The following ABCC11 variants were observed in gnomAD, a reference collection of about 807,000 sequenced individuals.
The protein encoded by ABCC11 is ATP-binding cassette sub-family C member 11.
A neutral mutation model predicts 149.3 loss-of-function variants in ABCC11; 135 were observed. The observed-to-expected ratio is 0.90, with a 90% CI of 0.79 to 1.04. The LOEUF is 1.04. Ranked by LOEUF, ABCC11 falls within the 50% of genes least tolerant of loss-of-function variation. The pLI is 0.00. For missense variants in ABCC11, 1,680 were observed against 1,722.1 expected (o/e 0.98, Z 0.43); for synonymous variants, 665 against 671.4 (o/e 0.99, Z 0.15).
intron 1 of ABCC11, among the ~76,000 whole-genome samples, chr16:48,242,254 T>G (rs989627390): frequency 2.0e-5 from 3 of 152,162 alleles, no homozygotes; most frequent in African/African-American, 7.2e-5. Flanking sequence ...CAGACACTTC[T>G]CAAAAGAAGA....
chr16:48,221,351 A>C (rs1969723506), intron 6 of ABCC11, among the ~76,000 whole-genome samples: 1 of 152,184 alleles, frequency 6.6e-6, no homozygotes, highest in South Asian at 2.1e-4. Context: ...AGATATCAAA[A>C]TGAAATAGAT....
chr16:48,198,298 G>T (rs2150810492), intron 15 of ABCC11, 23 bp from the exon 16 acceptor site: 4 of 1,610,892 alleles, frequency 2.5e-6, no homozygotes, highest in Non-Finnish European at 3.4e-6. Context: ...AAGAAAGAAA[G>T]GCTTCAGTAA....
chr16:48,176,810 G>T, intron 25 of ABCC11, 114 bp downstream of exon 25: 1 of 1,241,860 alleles, frequency 8.1e-7, no homozygotes, highest in Non-Finnish European at 1.1e-6. Context: ...AGCACAGCAT[G>T]AGGACCTAAT....
intron 6 of ABCC11, among the ~76,000 whole-genome samples, chr16:48,217,389 A>G (rs969199552): frequency 6.6e-6 from 1 of 152,132 alleles, no homozygotes; most frequent in Non-Finnish European, 1.5e-5. Context: ...TGGGCCCAGG[A>G]GTTTGACACC....
At position 48,167,314 on chromosome 16, in the gene ABCC11, A is replaced by G; in HGVS notation, c.4109T>C (p.Phe1370Ser). Residue 1370 changes from phenylalanine to serine, a missense_variant, in exon 30 of 30, where the codon TTC becomes TCC. Physicochemically the swap from Phe to Ser is radical, Grantham distance 155 (BLOSUM62 -2). Coordinates refer to ENST00000356608, the MANE Select transcript of ABCC11 (RefSeq NM_001370497.1). ...EVLRKKPGSL[F>S]AALMATATSS... ...AGTGGCTGTGGCCATGAGGGCTGCG[A>G]ACAATGACCCAGGCTTCTTCCGCAG... 2.1e-6 allele frequency: 2 copies of G among 945,930 alleles called. No individual in the cohort carries two copies. Among genetic ancestry groups the G allele is most frequent in the Admixed American group, 1.7e-5 (1 of 59,238 alleles). 58.6% of individuals were successfully genotyped at this position (945,930 alleles called of 1,614,324 possible).
At chr16:48,171,351 G>C (rs547034189) in intron 26 of ABCC11, among the ~76,000 whole-genome samples, 1 of 152,324 alleles carries the variant, frequency 6.6e-6, no homozygotes. Context: ...AGGCTACCAT[G>C]GGAGACGTGC....
intron 28 of ABCC11, among the ~76,000 whole-genome samples, chr16:48,168,812 T>A (rs978911541): frequency 4.6e-5 from 7 of 152,134 alleles, no homozygotes; most frequent in Non-Finnish European, 5.9e-5. Flanking sequence ...ACACTGCATG[T>A]TCTCATTCAC....
intron 20 of ABCC11, among the ~76,000 whole-genome samples, chr16:48,190,052 C>G (rs1220621640): frequency 4.6e-5 from 7 of 152,106 alleles, no homozygotes. Flanking sequence ...GAGTGAAGTC[C>G]CCAAGAAGGC....
At chr16:48,196,189 G>C (rs749082695) in intron 18 of ABCC11, 43 bp downstream of exon 18, 6 of 1,596,806 alleles carry the variant, frequency 3.8e-6, no homozygotes, top group Non-Finnish European at 5.1e-6. Context: ...CCAGGGATAG[G>C]GCTGCTCCAA....
Position 48,178,635 on chromosome 16 carries a change from G to A in ABCC11, c.3310C>T (p.Gln1104Ter). The change falls in exon 24 of 30, where the codon CAG (glutamine) becomes TAG (stop). Residue 1104 changes from glutamine to a stop codon, truncating the protein, a stop_gained. Coordinates refer to ENST00000356608, the MANE Select transcript of ABCC11 (RefSeq NM_001370497.1). LOFTEE classifies it high-confidence loss of function. ...AGTATCCTCTCTACAGCCGTGAACTGTGCCTCTGTCTCCAAGCCAATCCGG... is the reference window on the plus strand; with the variant it reads ...AGTATCCTCTCTACAGCCGTGAACTATGCCTCTGTCTCCAAGCCAATCCGG... ...TARIGLETEA[Q>*]FTAVERILQY... The A allele has an allele frequency of 6.2e-7, 1 of 1,614,110 alleles. No homozygotes were observed.
At chr16:48,178,731 G>T in intron 23 of ABCC11, 45 bp from the exon 24 acceptor site, 1 of 1,548,696 alleles carries the variant, frequency 6.5e-7, no homozygotes, top group Non-Finnish European at 8.9e-7. Context: ...CTGCTGGGGT[G>T]TGCTCAGGCT....
chr16:48,239,111 C>G (rs1970832528), intron 1 of ABCC11, among the ~76,000 whole-genome samples: 1 of 151,978 alleles, frequency 6.6e-6, no homozygotes, highest in Non-Finnish European at 1.5e-5. Flanking sequence ...CTTCAACAAA[C>G]TTGACAAAAA....
rs1466391159 is a variant in ABCC11, at chr16:48,244,626, G to A, written c.-19+2688C>T. The A allele has an allele frequency of 8.8e-6, 12 of 1,367,272 alleles. No individual in the cohort carries two copies. The East Asian group carries it at 3.7e-4, about 42-fold the overall frequency. 84.7% of individuals were successfully genotyped at this position (1,367,272 alleles called of 1,614,324 possible). On this transcript the variant is annotated intron_variant, in intron 1 of 29. Coordinates refer to ENST00000356608, the MANE Select transcript of ABCC11 (RefSeq NM_001370497.1). ...GGACCTGCCGCCGCTGCACAGGTAGGCCTGGCTGCCCCCGCGGCGGCGGCG... is the reference window on the plus strand; with the variant it reads ...GGACCTGCCGCCGCTGCACAGGTAGACCTGGCTGCCCCCGCGGCGGCGGCG...
Position 48,194,548 on chromosome 16 carries a change from G to A in ABCC11, c.2405-566C>T, listed in dbSNP as rs143298760. ...TGTGTCTCTCCAAAATTCATATGTT[G>A]AAACCAAATTCCCAAGGTGATGGTA... On this transcript the variant is annotated intron_variant, in intron 18 of 29. Coordinates refer to ENST00000356608, the MANE Select transcript of ABCC11 (RefSeq NM_001370497.1). Among the ~76,000 whole-genome samples, 107 of 152,282 alleles carry A rather than the reference G, an allele frequency of 7.0e-4. 1 individual carries two copies. The highest frequency in any genetic ancestry group is 2.5e-3 in the African/African-American group (105 of 41,548).
intron 23 of ABCC11, among the ~76,000 whole-genome samples, chr16:48,180,209 G>C (rs1279241095): frequency 1.3e-5 from 2 of 152,242 alleles, no homozygotes; most frequent in Non-Finnish European, 2.9e-5. Flanking sequence ...TCTGGCCGTT[G>C]AAGGATGAGA....
At chr16:48,171,912 G>A (rs918553257) in intron 26 of ABCC11, among the ~76,000 whole-genome samples, 3 of 152,176 alleles carry the variant, frequency 2.0e-5, no homozygotes, top group African/African-American at 4.8e-5. Flanking sequence ...GCAGTGAGCT[G>A]AGATGGTGTC....
intron 24 of ABCC11, 47 bp from the exon 25 acceptor site, chr16:48,177,160 C>T (rs372658697): frequency 1.5e-5 from 23 of 1,565,372 alleles, no homozygotes; most frequent in South Asian, 8.5e-5. Context: ...TCATCTATCT[C>T]GGCCCATCCC....
intron 23 of ABCC11, 37 bp downstream of exon 23, chr16:48,184,403 A>G: frequency 6.3e-7 from 1 of 1,598,060 alleles, no homozygotes; most frequent in Non-Finnish European, 8.5e-7. Context: ...AGGATGAGCA[A>G]AGCTCAGAGA....
chr16:48,243,000 T>G (rs1424124518), intron 1 of ABCC11, among the ~76,000 whole-genome samples: 4 of 151,484 alleles, frequency 2.6e-5, no homozygotes, highest in Non-Finnish European at 4.4e-5. Flanking sequence ...TGTATACATA[T>G]GTAACAAACC....
Sources: gnomAD v4.1 joint callset for allele counts (sites outside exome capture counted in the v4.1 genomes callset) on GRCh38, gnomAD v4.1.1 for gene constraint, MANE v1.5 for transcripts, NCBI Gene and HGNC (gene_info 2026-07-23, HGNC 2026-07-21) for gene names.